PPIL3: variants seen among roughly 807,000 people sequenced by gnomAD.
The protein encoded by PPIL3 is peptidylprolyl isomerase like 3, also known as peptidyl-prolyl cis-trans isomerase-like 3.
In PPIL3, 13 loss-of-function variants were observed where a neutral mutation model predicts 20.9. That is an observed-to-expected ratio of 0.62 (90% CI 0.40 to 0.99). The LOEUF is 0.99. Ranked by LOEUF, PPIL3 falls within the 50% of genes least tolerant of loss-of-function variation. The pLI, the probability that PPIL3 is intolerant of heterozygous loss-of-function variation, is 0.00. For missense variants in PPIL3, 170 were observed against 195.2 expected (o/e 0.87, Z 0.77); for synonymous variants, 71 against 64.4 (o/e 1.10, Z -0.49).
chr2:200,887,781 G>A (rs761546262), intron 1 of PPIL3, 96 bp from the exon 2 acceptor site: 1 of 499,582 alleles, frequency 2.0e-6, no homozygotes, highest in South Asian at 3.5e-5. Context: ...ACCTCGCCGG[G>A]CGTGGTGGCT....
intron 5 of PPIL3, among the ~76,000 whole-genome samples, chr2:200,881,028 G>C (rs1191493955): frequency 6.6e-6 from 1 of 152,050 alleles, no homozygotes; most frequent in African/African-American, 2.4e-5. Flanking sequence ...ATAAAAGCTG[G>C]GTACTGATAA....
chr2:200,875,753 T>C (rs1451838526), intron 6 of PPIL3, among the ~76,000 whole-genome samples: 1 of 151,952 alleles, frequency 6.6e-6, no homozygotes, highest in African/African-American at 2.4e-5. Flanking sequence ...TTAAATTTTT[T>C]TTATAGAGAT....
intron 5 of PPIL3, among the ~76,000 whole-genome samples, chr2:200,879,157 C>T (rs539506833): frequency 2.0e-5 from 3 of 151,914 alleles, no homozygotes; most frequent in African/African-American, 7.2e-5. Context: ...CTCGCTCTGT[C>T]GCCCAGACTG....
chr2:200,880,323 G>T (rs866587373), intron 5 of PPIL3, among the ~76,000 whole-genome samples: 6 of 151,452 alleles, frequency 4.0e-5, no homozygotes, highest in South Asian at 4.2e-4. Flanking sequence ...ACACTGCAAT[G>T]AATTTTTTTC....
At chr2:200,873,243 G>A (rs1377366957) in intron 6 of PPIL3, among the ~76,000 whole-genome samples, 1 of 150,460 alleles carries the variant, frequency 6.6e-6, no homozygotes, top group Non-Finnish European at 1.5e-5. Context: ...GCCCAGGTTG[G>A]AGTGCAGTAG....
At chr2:200,886,694 G>A (rs191776955) in intron 2 of PPIL3, among the ~76,000 whole-genome samples, 77 of 152,290 alleles carry the variant, frequency 5.1e-4, no homozygotes, top group African/African-American at 1.8e-3. Flanking sequence ...CCAAAGTGCC[G>A]AGATTACAGG....
chr2:200,874,001 T>A (rs111315781), intron 6 of PPIL3, among the ~76,000 whole-genome samples: 19,908 of 151,048 alleles, frequency 0.13, 1,434 homozygotes, highest in African/African-American at 0.15. Flanking sequence ...GTCGGGAGAT[T>A]GAGACCATCC....
intron 3 of PPIL3, chr2:200,885,261 C>G (rs987097676): frequency 1.3e-5 from 4 of 317,720 alleles, no homozygotes; most frequent in Non-Finnish European, 2.3e-5. Flanking sequence ...ATCCCACTTA[C>G]TCGGGAGGCT....
chr2:200,876,297 G>C (rs914521736), intron 6 of PPIL3, among the ~76,000 whole-genome samples: 4 of 151,694 alleles, frequency 2.6e-5, no homozygotes, highest in Non-Finnish European at 4.4e-5. Context: ...CCTGGCGACA[G>C]AGCCTTTCGT....
At chr2:200,879,001 T>A (rs1379286067) in intron 5 of PPIL3, among the ~76,000 whole-genome samples, 1 of 152,216 alleles carries the variant, frequency 6.6e-6, no homozygotes, top group Non-Finnish European at 1.5e-5. Flanking sequence ...TGTACATGTC[T>A]CTTGGTGCAA....
Position 200,871,341 on chromosome 2 carries a change from C to A in PPIL3, c.*54G>T. 1 of 1,524,860 alleles carries A rather than the reference C, an allele frequency of 6.6e-7. No individual in the cohort carries two copies. Among genetic ancestry groups the A allele is most frequent in the Non-Finnish European group, 8.9e-7 (1 of 1,120,680 alleles). The allele number at this position is 1,524,860 out of a possible 1,614,324, so 94.5% of individuals were successfully genotyped here. The stretch of plus-strand genomic sequence containing the variant: ...CTGACATAATTAAAACCGGGTAAAC[C>A]ACAATAAGTGTGTTCCAGCAATTTG... On this transcript the variant is annotated 3_prime_UTR_variant, in exon 7 of 7. Coordinates refer to ENST00000392283, the MANE Select transcript of PPIL3 (RefSeq NM_130906.3).
intron 2 of PPIL3, among the ~76,000 whole-genome samples, chr2:200,886,390 A>G (rs1292476315): frequency 6.6e-6 from 1 of 150,798 alleles, no homozygotes; most frequent in African/African-American, 2.4e-5. Flanking sequence ...TATTCCAGAG[A>G]GGGAGAAAAC....
At chr2:200,878,118 A>G (rs1406943934) in intron 5 of PPIL3, among the ~76,000 whole-genome samples, 3 of 152,250 alleles carry the variant, frequency 2.0e-5, no homozygotes, top group Admixed American at 6.5e-5. Context: ...CAAATGTAAT[A>G]TTAAATACAC....
At chr2:200,882,977 T>C (rs1286823187) in intron 3 of PPIL3, among the ~76,000 whole-genome samples, 1 of 151,514 alleles carries the variant, frequency 6.6e-6, no homozygotes, top group Admixed American at 6.6e-5. Flanking sequence ...GCTCATCTCC[T>C]CATCACATAT....
Position 200,882,379 on chromosome 2 carries a change from A to G in PPIL3, c.135T>C (p.Asn45=). 6.2e-7 allele frequency: 1 copy of G among 1,607,910 alleles called. No homozygotes were observed. The highest frequency in any genetic ancestry group is 8.5e-7 in the Non-Finnish European group (1 of 1,174,302). The change falls in exon 4 of 7, where the codon AAT becomes AAC. Residue 45 remains asparagine (N), a synonymous_variant. Coordinates refer to ENST00000392283, the MANE Select transcript of PPIL3 (RefSeq NM_130906.3). Reference sequence around the variant, plus strand: ...CTGTTTGAACCATGAAACCCTTGATATTCCTATGAAATATACAGCCATTGT... The same window carrying G: ...CTGTTTGAACCATGAAACCCTTGATGTTCCTATGAAATATACAGCCATTGT... ...NYYNGCIFHR[N]IKGFMVQTGD... is the part of the protein sequence containing the mutation.
chr2:200,875,704 T>C (rs1389516087), intron 6 of PPIL3, among the ~76,000 whole-genome samples: 1 of 151,804 alleles, frequency 6.6e-6, no homozygotes, highest in East Asian at 1.9e-4. Context: ...TCCTGAGTAG[T>C]TGGGATTACA....
At position 200,877,019 on chromosome 2, in the gene PPIL3, C is replaced by A. The variant is rs1300456850; in HGVS notation, c.259G>T (p.Val87Leu). 6.2e-7 allele frequency: 1 copy of A among 1,609,508 alleles called. No individual in the cohort carries two copies. Among genetic ancestry groups the A allele is most frequent in the South Asian group, 1.1e-5 (1 of 90,968 alleles). ...TTCGGGCCATTATTAGCCATAGATACAACACCTCTAACATTGTGCTGAAAA... is the reference window on the plus strand; with the variant it reads ...TTCGGGCCATTATTAGCCATAGATAAAACACCTCTAACATTGTGCTGAAAA... ...EYLKHNVRGV[V>L]SMANNGPNTN... Residue 87 changes from valine to leucine, a missense_variant, in exon 6 of 7, where the codon GTA becomes TTA. Transcript: ENST00000392283.
chr2:200,871,430 C>T lies in PPIL3; in HGVS notation c.451G>A (p.Asp151Asn). Residue 151 changes from aspartate to asparagine, a missense_variant, in exon 7 of 7, where the codon GAC (aspartate) becomes AAC (asparagine). Physicochemically the swap from Asp to Asn is conservative, Grantham distance 23. Transcript: ENST00000392283. ...YRPLNDVHIK[D>N]ITIHANPFAQ ...AATGGGTTGGCATGAATAGTTATGT[C>T]CTTAATGTGTACATCATTAAGAGGT... The T allele has an allele frequency of 6.2e-7, 1 of 1,610,582 alleles. No individual in the cohort carries two copies. Among genetic ancestry groups the T allele is most frequent in the Non-Finnish European group, 8.5e-7 (1 of 1,176,976 alleles).
chr2:200,885,542 T>C (rs1413822285), intron 3 of PPIL3, 156 bp downstream of exon 3: 2 of 605,592 alleles, frequency 3.3e-6, no homozygotes, highest in Non-Finnish European at 2.9e-6. Context: ...ATTGGACAAA[T>C]AAGTGGAAAT....
Sources: gnomAD v4.1 joint callset for allele counts (sites outside exome capture counted in the v4.1 genomes callset) on GRCh38, gnomAD v4.1.1 for gene constraint, MANE v1.5 for transcripts, NCBI Gene and HGNC (gene_info 2026-07-23, HGNC 2026-07-21) for gene names.